SCARA5: variants seen among roughly 807,000 people sequenced by gnomAD.
The protein encoded by SCARA5 is scavenger receptor class A member 5.
A neutral mutation model predicts 46.3 loss-of-function variants in SCARA5; 45 were observed. The observed-to-expected ratio is 0.97, with a 90% CI of 0.76 to 1.24. The LOEUF is 1.24. Among genes scored for constraint, SCARA5 ranks in the 50% most tolerant of loss-of-function variants. SCARA5 has a pLI of 0.00. For missense variants in SCARA5, 680 were observed against 689.0 expected (o/e 0.99, Z 0.15); for synonymous variants, 333 against 306.5 (o/e 1.09, Z -0.90).
chr8:27,951,767 G>A (rs1326590465), intron 3 of SCARA5, among the ~76,000 whole-genome samples: 1 of 152,222 alleles, frequency 6.6e-6, no homozygotes, highest in Non-Finnish European at 1.5e-5. Context: ...GAGAAGAGGA[G>A]GTCCGGAATC....
intron 7 of SCARA5, among the ~76,000 whole-genome samples, chr8:27,891,237 G>C (rs145561783): frequency 6.7e-6 from 1 of 149,204 alleles, no homozygotes; most frequent in East Asian, 2.0e-4. Context: ...GAGGAGTCTC[G>C]CTCTGTCATC....
At chr8:27,920,459 C>A (rs1053493033) in intron 4 of SCARA5, among the ~76,000 whole-genome samples, 1 of 151,620 alleles carries the variant, frequency 6.6e-6, no homozygotes, top group Non-Finnish European at 1.5e-5. Context: ...ACTAAAAATA[C>A]AAAAATTAGC....
intron 2 of SCARA5, among the ~76,000 whole-genome samples, chr8:27,982,911 A>C (rs909321191): frequency 6.6e-6 from 1 of 152,164 alleles, no homozygotes; most frequent in African/African-American, 2.4e-5. Context: ...GCGAGAAGGA[A>C]AGAGAAAAAA....
At chr8:27,884,126 T>C (rs528382994) in intron 7 of SCARA5, among the ~76,000 whole-genome samples, 34 of 152,236 alleles carry the variant, frequency 2.2e-4, no homozygotes, top group Admixed American at 2.0e-3. Flanking sequence ...TGCTAAAGAC[T>C]ACAGCGAGAG....
intron 2 of SCARA5, among the ~76,000 whole-genome samples, chr8:27,985,617 G>T (rs1422773486): frequency 2.0e-5 from 3 of 152,184 alleles, no homozygotes; most frequent in Non-Finnish European, 4.4e-5. Context: ...TCCCCATTTG[G>T]CAGATGAGTA....
At chr8:27,953,745 C>T (rs565101624) in intron 3 of SCARA5, among the ~76,000 whole-genome samples, 22 of 152,294 alleles carry the variant, frequency 1.4e-4, no homozygotes, top group African/African-American at 4.3e-4. Context: ...GTGCCCCTGA[C>T]GGGAAGGAGG....
chr8:27,929,020 G>A (rs2129836498), intron 3 of SCARA5, among the ~76,000 whole-genome samples: 1 of 152,290 alleles, frequency 6.6e-6, no homozygotes, highest in East Asian at 1.9e-4. Flanking sequence ...AGTTCCTCAT[G>A]ATAAACCTAG....
intron 3 of SCARA5, among the ~76,000 whole-genome samples, chr8:27,941,508 T>C (rs1807944285): frequency 6.6e-6 from 1 of 152,158 alleles, no homozygotes; most frequent in Non-Finnish European, 1.5e-5. Flanking sequence ...CCCAGCACTG[T>C]GCTTTGTGTT....
chr8:27,968,663 A>G (rs1440373364), intron 2 of SCARA5, among the ~76,000 whole-genome samples: 1 of 152,210 alleles, frequency 6.6e-6, no homozygotes, highest in Non-Finnish European at 1.5e-5. Context: ...TCATGGTGGT[A>G]GTTTCAGCTC....
chr8:27,883,363 C>T (rs1029496743), intron 7 of SCARA5, among the ~76,000 whole-genome samples: 4 of 152,180 alleles, frequency 2.6e-5, no homozygotes. Context: ...GCTTGCGTTT[C>T]CTTATGTGTC....
At chr8:27,899,354 T>C (rs1248821178) in intron 7 of SCARA5, among the ~76,000 whole-genome samples, 1 of 152,182 alleles carries the variant, frequency 6.6e-6, no homozygotes, top group Non-Finnish European at 1.5e-5. Flanking sequence ...AAATGAATCT[T>C]CATTTTCATT....
At chr8:27,917,737 G>A (rs917576678) in intron 4 of SCARA5, among the ~76,000 whole-genome samples, 2 of 152,218 alleles carry the variant, frequency 1.3e-5, no homozygotes, top group African/African-American at 4.8e-5. Flanking sequence ...CAAAATGCCT[G>A]CCTCATTATA....
chr8:27,917,598 G>A (rs1056543922), intron 4 of SCARA5, among the ~76,000 whole-genome samples: 35 of 152,236 alleles, frequency 2.3e-4, no homozygotes, highest in African/African-American at 7.9e-4. Flanking sequence ...TTGGCTTTAC[G>A]GCCTGCCAGT....
In SCARA5 at chr8:27,921,644, G is replaced by C; in HGVS notation, c.843C>G (p.Asn281Lys). ...TGAGGCGCAGGTCCTCGGTGACCGC[G>C]TTGAGCATGGCCAGCTCCTGCTTCA... ...LQLKQELAML[N>K]AVTEDLRLKD... The change falls in exon 4 of 9, where the codon AAC becomes AAG. Residue 281 changes from asparagine (N) to lysine (K), a missense_variant. This residue lies in a region of SCARA5 where 438 missense variants were observed against 384.5 expected (regional missense o/e 1.14). Coordinates refer to ENST00000354914, the MANE Select transcript of SCARA5 (RefSeq NM_173833.6). 1 of 1,606,388 alleles carries C rather than the reference G, an allele frequency of 6.2e-7. No individual in the cohort carries two copies. The highest frequency in any genetic ancestry group is 2.2e-5 in the East Asian group (1 of 44,450).
chr8:27,935,841 A>G (rs1034246310), intron 3 of SCARA5, among the ~76,000 whole-genome samples: 5 of 152,194 alleles, frequency 3.3e-5, no homozygotes, highest in Admixed American at 6.5e-5. Flanking sequence ...GGGAAGGGCC[A>G]AGGCAGGAGA....
chr8:27,897,300 A>G (rs370450402), intron 7 of SCARA5, among the ~76,000 whole-genome samples: 92 of 152,320 alleles, frequency 6.0e-4, no homozygotes, highest in African/African-American at 2.2e-3. Flanking sequence ...CGCAGAGCCC[A>G]CAGCTGCATC....
intron 3 of SCARA5, among the ~76,000 whole-genome samples, chr8:27,953,494 T>C (rs1450718425): frequency 6.6e-6 from 1 of 152,266 alleles, no homozygotes; most frequent in African/African-American, 2.4e-5. Flanking sequence ...TCTTATACCT[T>C]AGACGGTTAT....
intron 6 of SCARA5, among the ~76,000 whole-genome samples, chr8:27,906,777 A>G (rs1422168000): frequency 6.6e-6 from 1 of 152,124 alleles, no homozygotes; most frequent in Non-Finnish European, 1.5e-5. Context: ...ATAGCTCACT[A>G]TAGCCTCCAA....
At chr8:27,982,089 T>C (rs1341102626) in intron 2 of SCARA5, among the ~76,000 whole-genome samples, 1 of 152,184 alleles carries the variant, frequency 6.6e-6, no homozygotes, top group Non-Finnish European at 1.5e-5. Context: ...GCGGCCCGGC[T>C]GCAGGCGTCG....
Sources: gnomAD v4.1 joint callset for allele counts (sites outside exome capture counted in the v4.1 genomes callset) on GRCh38, gnomAD v4.1.1 for gene constraint, gnomAD v4.1.1 regional missense constraint, MANE v1.5 for transcripts, NCBI Gene and HGNC (gene_info 2026-07-23, HGNC 2026-07-21) for gene names.